The following KDM7A variants were observed in gnomAD, a reference collection of about 807,000 sequenced individuals.
KDM7A encodes lysine-specific demethylase 7A.
A neutral mutation model predicts 114.8 loss-of-function variants in KDM7A; 28 were observed. That is an observed-to-expected ratio of 0.24 (90% CI 0.18 to 0.33). The LOEUF (loss-of-function observed/expected upper bound fraction) is 0.33, where lower values mean the gene tolerates loss of function less well. Ranked by LOEUF, KDM7A falls within the 10% of genes least tolerant of loss-of-function variation. The pLI is 1.00. For synonymous variants in KDM7A, 423 were observed against 397.8 expected (o/e 1.06, Z -0.75); for missense variants, 942 against 1,142.5 (o/e 0.82, Z 2.53).
intron 1 of KDM7A, among the ~76,000 whole-genome samples, chr7:140,148,504 T>C (rs1794366571): frequency 1.3e-5 from 2 of 152,186 alleles, no homozygotes; most frequent in African/African-American, 4.8e-5. Flanking sequence ...AGAATGAAAC[T>C]GTAGAACAAT....
intron 9 of KDM7A, among the ~76,000 whole-genome samples, chr7:140,118,443 T>C (rs1818566978): frequency 6.6e-6 from 1 of 151,908 alleles, no homozygotes; most frequent in South Asian, 2.1e-4. Context: ...GGAGATGGAG[T>C]TTTGCTCTGT....
chr7:140,095,457 G>A (rs1489549391), intron 17 of KDM7A, among the ~76,000 whole-genome samples: 1 of 152,196 alleles, frequency 6.6e-6, no homozygotes, highest in South Asian at 2.1e-4. Context: ...GATGGTCCTG[G>A]CTTCAAATTC....
intron 8 of KDM7A, among the ~76,000 whole-genome samples, chr7:140,120,148 C>T (rs894707214): frequency 6.6e-6 from 1 of 152,194 alleles, no homozygotes; most frequent in Non-Finnish European, 1.5e-5. Context: ...ATCTCCCTCA[C>T]TGCAAAAATA....
rs1301941401 is a variant in KDM7A, at chr7:140,114,283, T to C, written c.1247-701A>G. On this transcript the variant is annotated intron_variant, in intron 9 of 19. Transcript: ENST00000397560. ...AACCTCCCTGCTTGATTCTCCTGCC[T>C]CAGCCTGCCGAGTGCCTGGGATTGC... 2.6e-5 allele frequency among the ~76,000 whole-genome samples: 4 copies of C among 152,046 alleles called. No individual in the cohort carries two copies. In the East Asian group the frequency reaches 7.8e-4, roughly 30 times the overall value.
At chr7:140,150,965 G>A (rs1278965821) in intron 1 of KDM7A, among the ~76,000 whole-genome samples, 1 of 151,866 alleles carries the variant, frequency 6.6e-6, no homozygotes, top group Non-Finnish European at 1.5e-5. Flanking sequence ...AGTAGCTAAG[G>A]ATTACAGGCA....
intron 1 of KDM7A, among the ~76,000 whole-genome samples, chr7:140,173,883 G>T (rs1333354996): frequency 6.6e-6 from 1 of 152,116 alleles, no homozygotes; most frequent in African/African-American, 2.4e-5. Flanking sequence ...AACTTACTAG[G>T]CCGGGCAGGG....
intron 9 of KDM7A, among the ~76,000 whole-genome samples, chr7:140,115,823 A>T (rs917455142): frequency 9.6e-5 from 6 of 62,622 alleles, no homozygotes; most frequent in Non-Finnish European, 1.7e-4. Context: ...TAAATAAATA[A>T]AAAAAAATAA....
chr7:140,123,312 T>C (rs1339848088), intron 7 of KDM7A, among the ~76,000 whole-genome samples: 1 of 152,176 alleles, frequency 6.6e-6, no homozygotes, highest in Non-Finnish European at 1.5e-5. Context: ...AACCATGTAA[T>C]GCAGCAATTC....
chr7:140,120,226 T>TTTG (rs1365111333), intron 8 of KDM7A, among the ~76,000 whole-genome samples: 1 of 152,026 alleles, frequency 6.6e-6, no homozygotes, highest in Non-Finnish European at 1.5e-5. Flanking sequence ...TAAGTTCCCT[T>TTTG]TTGTTGTTGT....
intron 11 of KDM7A, among the ~76,000 whole-genome samples, chr7:140,109,245 T>C (rs1437841600): frequency 1.3e-5 from 2 of 152,200 alleles, no homozygotes; most frequent in African/African-American, 4.8e-5. Context: ...CGCCCTGCTT[T>C]GGCTCACGCT....
intron 7 of KDM7A, among the ~76,000 whole-genome samples, chr7:140,121,178 T>C (rs559216328): frequency 3.3e-5 from 5 of 152,194 alleles, no homozygotes; most frequent in Non-Finnish European, 7.3e-5. Context: ...GTTATGGTCC[T>C]ACAAATATAG....
intron 9 of KDM7A, among the ~76,000 whole-genome samples, chr7:140,117,885 A>G (rs1818557110): frequency 1.3e-5 from 2 of 152,322 alleles, no homozygotes; most frequent in South Asian, 4.1e-4. Flanking sequence ...TCTCCTTCTC[A>G]TGCATGGGAT....
chr7:140,174,790 G>A (rs1050524109), intron 1 of KDM7A, among the ~76,000 whole-genome samples: 16 of 151,852 alleles, frequency 1.1e-4, no homozygotes, highest in African/African-American at 3.9e-4. Context: ...TAGTAGAGAC[G>A]GGGTTTCACC....
intron 1 of KDM7A, among the ~76,000 whole-genome samples, chr7:140,145,154 T>G (rs538940838): frequency 3.3e-5 from 5 of 152,242 alleles, no homozygotes; most frequent in African/African-American, 1.2e-4. Context: ...ATTTATGTGA[T>G]TTTTTTTCAA....
chr7:140,091,370 C>G (rs1268148088), intron 19 of KDM7A, among the ~76,000 whole-genome samples, 182 bp from the exon 20 acceptor site: 1 of 152,198 alleles, frequency 6.6e-6, no homozygotes. Context: ...TAGGCCCTCA[C>G]AAGACTCACA....
intron 1 of KDM7A, among the ~76,000 whole-genome samples, chr7:140,149,301 G>C (rs964643041): frequency 6.6e-6 from 1 of 152,186 alleles, no homozygotes; most frequent in Admixed American, 6.5e-5. Flanking sequence ...TGATTTGTAT[G>C]GTGATACATT....
intron 12 of KDM7A, 145 bp downstream of exon 12, chr7:140,101,806 C>G (rs1818230960): frequency 1.6e-6 from 1 of 633,626 alleles, no homozygotes; most frequent in African/African-American, 1.8e-5. Context: ...CACTCCCTGT[C>G]ACAGGCATAA....
intron 9 of KDM7A, among the ~76,000 whole-genome samples, chr7:140,115,790 T>C (rs1323039602): frequency 1.1e-5 from 1 of 92,856 alleles, no homozygotes; most frequent in African/African-American, 4.4e-5. Flanking sequence ...GAATTATCAA[T>C]AAAAAAATAA....
intron 9 of KDM7A, among the ~76,000 whole-genome samples, chr7:140,115,836 CATT>C (rs1317314173): frequency 2.2e-5 from 3 of 133,496 alleles, no homozygotes; most frequent in East Asian, 4.3e-4. Flanking sequence ...AAAAATAAAA[CATT>C]AATAGTACAA....
Sources: gnomAD v4.1 joint callset for allele counts (sites outside exome capture counted in the v4.1 genomes callset) on GRCh38, gnomAD v4.1.1 for gene constraint, MANE v1.5 for transcripts, NCBI Gene and HGNC (gene_info 2026-07-23, HGNC 2026-07-21) for gene names.